The following AK9 variants were observed in gnomAD, a reference collection of about 807,000 sequenced individuals.
AK9 encodes adenylate kinase domain containing 1.
In AK9, 191 loss-of-function variants were observed where a neutral mutation model predicts 239.6. The ratio of observed to expected loss-of-function variants is 0.80; its 90% CI spans 0.71 to 0.90. The LOEUF is 0.90. Among genes scored for constraint, AK9 ranks in the 40% least tolerant of loss-of-function variants. The pLI, the probability that AK9 is intolerant of heterozygous loss-of-function variation, is 0.00. For missense variants in AK9, 1,995 were observed against 2,214.7 expected (o/e 0.90, Z 1.99); for synonymous variants, 689 against 721.0 (o/e 0.96, Z 0.71).
chr6:109,582,075 A>G (rs1788932028), intron 19 of AK9, among the ~76,000 whole-genome samples: 1 of 152,178 alleles, frequency 6.6e-6, no homozygotes, highest in South Asian at 2.1e-4. Context: ...GTTGAGATCT[A>G]CTGCTTAGAA....
chr6:109,508,669 G>A (rs1009880451), intron 33 of AK9, among the ~76,000 whole-genome samples: 2 of 152,208 alleles, frequency 1.3e-5, no homozygotes, highest in Admixed American at 6.5e-5. Context: ...GGTATGGCCC[G>A]TGGCTGTGCT....
intron 8 of AK9, among the ~76,000 whole-genome samples, chr6:109,648,077 C>A (rs1434390297): frequency 1.3e-5 from 2 of 151,952 alleles, no homozygotes; most frequent in Non-Finnish European, 2.9e-5. Flanking sequence ...ATCTCTGGGA[C>A]ACATTCAAAG....
Position 109,581,703 on chromosome 6 carries a change from T to C in AK9, c.2115-2077A>G, listed in dbSNP as rs142741827. On this transcript the variant is annotated intron_variant, in intron 19 of 40. Transcript: ENST00000424296. The stretch of plus-strand genomic sequence containing the variant: ...GCAAGGTGAAGCAGGCAAGTGCTGA[T>C]GTAGGAGCTGCAATAAGTTATTTAG... Among the ~76,000 whole-genome samples the C allele has an allele frequency of 1.6e-4, 24 of 152,346 alleles. No individual in the cohort carries two copies. The East Asian group carries it at 3.7e-3, about 23-fold the overall frequency.
intron 27 of AK9, among the ~76,000 whole-genome samples, chr6:109,535,805 G>T (rs1173173864): frequency 5.3e-5 from 8 of 152,160 alleles, no homozygotes; most frequent in African/African-American, 1.9e-4. Context: ...AAGGGATCCA[G>T]TTTCAGCTTT....
At chr6:109,630,267 A>G (rs531938383) in intron 12 of AK9, among the ~76,000 whole-genome samples, 1 of 152,266 alleles carries the variant, frequency 6.6e-6, no homozygotes, top group Admixed American at 6.5e-5. Context: ...TAAATTAAAG[A>G]GGGGCTAAAT....
chr6:109,577,086 TC>T (rs1788193102), intron 20 of AK9, among the ~76,000 whole-genome samples: 1 of 152,160 alleles, frequency 6.6e-6, no homozygotes, highest in Non-Finnish European at 1.5e-5. Context: ...CACCTCGGCC[TC>T]CCAAAGTGCT....
intron 17 of AK9, among the ~76,000 whole-genome samples, chr6:109,588,963 G>C (rs1239918747): frequency 6.6e-6 from 1 of 152,138 alleles, no homozygotes; most frequent in Non-Finnish European, 1.5e-5. Flanking sequence ...GTACCATGCT[G>C]TTTTGGTTAC....
chr6:109,667,023 A>G (rs1214771827), intron 5 of AK9, among the ~76,000 whole-genome samples: 1 of 152,214 alleles, frequency 6.6e-6, no homozygotes, highest in Non-Finnish European at 1.5e-5. Context: ...TATTGACTCT[A>G]TCTGTTTCTC....
chr6:109,502,875 G>T (rs1185334701), intron 35 of AK9, among the ~76,000 whole-genome samples: 1 of 152,074 alleles, frequency 6.6e-6, no homozygotes, highest in African/African-American at 2.4e-5. Flanking sequence ...AAAGACCATA[G>T]TCTTGGCTGT....
chr6:109,529,698 G>A (rs1364770760), intron 28 of AK9, among the ~76,000 whole-genome samples: 1 of 152,142 alleles, frequency 6.6e-6, no homozygotes, highest in Non-Finnish European at 1.5e-5. Context: ...GGGAGATAGT[G>A]ACAGATCATC....
At chr6:109,680,711 T>C (rs1772490530) in intron 1 of AK9, among the ~76,000 whole-genome samples, 2 of 152,174 alleles carry the variant, frequency 1.3e-5, no homozygotes. Flanking sequence ...GAGAAAAAGC[T>C]TGGGTTACCC....
At chr6:109,637,502 T>C (rs1161681968) in intron 10 of AK9, among the ~76,000 whole-genome samples, 2 of 152,172 alleles carry the variant, frequency 1.3e-5, no homozygotes, top group African/African-American at 4.8e-5. Flanking sequence ...CATGCCCGGC[T>C]TCTACTGATA....
At chr6:109,576,445 T>G (rs1788098246) in intron 20 of AK9, among the ~76,000 whole-genome samples, 1 of 125,318 alleles carries the variant, frequency 8.0e-6, no homozygotes, top group South Asian at 3.0e-4. Flanking sequence ...TTTGCAGCTG[T>G]TGTAAAAGGG....
chr6:109,619,080 A>C lies in AK9; in HGVS notation c.1399+12T>G, dbSNP rs1794521659. On this transcript the variant is annotated intron_variant, in intron 13 of 40. Coordinates refer to ENST00000424296, the MANE Select transcript of AK9 (RefSeq NM_001145128.3). ...CTAAACTTAAAACACACATTTTAAA[A>C]AGATGTTTCACCTTGTTTTCTAGCT... 1 of 1,527,654 alleles carries C rather than the reference A, an allele frequency of 6.5e-7. No individual in the cohort carries two copies. Among genetic ancestry groups the C allele is most frequent in the Non-Finnish European group, 8.8e-7 (1 of 1,140,236 alleles). 94.6% of individuals were successfully genotyped at this position (1,527,654 alleles called of 1,614,324 possible).
Position 109,550,584 on chromosome 6 carries a change from CG to C in AK9, c.2752-283del, listed in dbSNP as rs1226946809. 1.3e-5 allele frequency: 3 copies of C among 239,560 alleles called. No individual in the cohort carries two copies. In the Admixed American group the frequency reaches 1.6e-4, roughly 13 times the overall value. 14.8% of individuals were successfully genotyped at this position (239,560 alleles called of 1,614,324 possible). ...CCAACAGAGATGTAATGAAAAACTCCGGGATGTGTTGATGCTGGGTCATTGT... is the reference window on the plus strand; with the variant it reads ...CCAACAGAGATGTAATGAAAAACTCCGGATGTGTTGATGCTGGGTCATTGT... On this transcript the variant is annotated intron_variant, in intron 24 of 40. Transcript: ENST00000424296.
chr6:109,618,900 T>C (rs887607400), intron 13 of AK9, among the ~76,000 whole-genome samples, 192 bp downstream of exon 13: 2 of 151,944 alleles, frequency 1.3e-5, no homozygotes, highest in African/African-American at 4.8e-5. Flanking sequence ...TCCTTAGAGG[T>C]CTAGAATTGA....
Position 109,550,123 on chromosome 6 carries a change from A to G in AK9, c.2931T>C (p.Pro977=), listed in dbSNP as rs1029644484. Residue 977 remains proline (P), a synonymous_variant, in exon 25 of 41, where the codon CCT becomes CCC. Coordinates refer to ENST00000424296, the MANE Select transcript of AK9 (RefSeq NM_001145128.3). ...AEAKEKFLEH[P]EDYVAHEEPL... ...GTTCTTCATGAGCCACATAATCCTCAGGATGCTCCAAAAACTTTTCTTTAG... is the reference window on the plus strand; with the variant it reads ...GTTCTTCATGAGCCACATAATCCTCGGGATGCTCCAAAAACTTTTCTTTAG... 5 of 1,613,906 alleles carry G rather than the reference A, an allele frequency of 3.1e-6. No homozygotes were observed. The African/African-American group carries it at 6.7e-5, about 22-fold the overall frequency.
intron 21 of AK9, among the ~76,000 whole-genome samples, chr6:109,566,305 G>T (rs1786507682): frequency 6.6e-6 from 1 of 152,094 alleles, no homozygotes; most frequent in African/African-American, 2.4e-5. Flanking sequence ...GTTGGTAAAT[G>T]CAAGAGTTGG....
intron 17 of AK9, among the ~76,000 whole-genome samples, chr6:109,594,464 T>C (rs758313945): frequency 6.6e-6 from 1 of 152,180 alleles, no homozygotes; most frequent in Non-Finnish European, 1.5e-5. Context: ...TTCAATGCTA[T>C]CCTCATCAAG....
Sources: gnomAD v4.1 joint callset for allele counts (sites outside exome capture counted in the v4.1 genomes callset) on GRCh38, gnomAD v4.1.1 for gene constraint, MANE v1.5 for transcripts, NCBI Gene and HGNC (gene_info 2026-07-23, HGNC 2026-07-21) for gene names.